ZMAT4: variants seen among roughly 807,000 people sequenced by gnomAD.
ZMAT4 encodes the protein zinc finger matrin-type 4.
A neutral mutation model predicts 28.7 loss-of-function variants in ZMAT4; 17 were observed. The observed-to-expected ratio is 0.59, with a 90% CI of 0.41 to 0.89. ZMAT4 has a LOEUF of 0.89. ZMAT4 is among the 40% of genes least tolerant of loss of function. The pLI is 0.00. For missense variants in ZMAT4, 240 were observed against 283.8 expected (o/e 0.85, Z 1.11); for synonymous variants, 117 against 109.2 (o/e 1.07, Z -0.44).
At chr8:40,551,945 G>A (rs1046891157) in intron 6 of ZMAT4, among the ~76,000 whole-genome samples, 10 of 152,142 alleles carry the variant, frequency 6.6e-5, no homozygotes, top group East Asian at 3.9e-4. Context: ...TTCCCATACA[G>A]CGTGTGTGAG....
At chr8:40,806,947 T>C (rs1815106759) in intron 2 of ZMAT4, among the ~76,000 whole-genome samples, 1 of 151,820 alleles carries the variant, frequency 6.6e-6, no homozygotes, top group South Asian at 2.1e-4. Flanking sequence ...CGCTCAGAAA[T>C]AGCTGCAAGT....
intron 5 of ZMAT4, among the ~76,000 whole-genome samples, chr8:40,670,436 T>C (rs1469174543): frequency 6.6e-6 from 1 of 152,224 alleles, no homozygotes; most frequent in Non-Finnish European, 1.5e-5. Flanking sequence ...ATGAAATTTG[T>C]AGAAGAAAAC....
At chr8:40,667,369 T>C (rs919862313) in intron 5 of ZMAT4, among the ~76,000 whole-genome samples, 1 of 152,126 alleles carries the variant, frequency 6.6e-6, no homozygotes, top group African/African-American at 2.4e-5. Flanking sequence ...TTAATCAGGA[T>C]GGTCTCAGTC....
intron 3 of ZMAT4, among the ~76,000 whole-genome samples, chr8:40,756,457 T>TATACAC (rs1278110013): frequency 1.4e-4 from 16 of 113,300 alleles, no homozygotes; most frequent in Middle Eastern, 9.7e-3. Context: ...TATATATATA[T>TATACAC]ACACACTTGT....
At chr8:40,843,190 T>G (rs1285974100) in intron 1 of ZMAT4, among the ~76,000 whole-genome samples, 1 of 152,232 alleles carries the variant, frequency 6.6e-6, no homozygotes, top group Non-Finnish European at 1.5e-5. Context: ...CCATCTCTTC[T>G]AAATGGAGCA....
intron 5 of ZMAT4, among the ~76,000 whole-genome samples, chr8:40,601,461 G>A (rs373017183): frequency 0.34 from 17,758 of 52,768 alleles, 3,631 homozygotes; most frequent in East Asian, 0.49. Context: ...AGGAAGGGAG[G>A]AAGAAAGGAA....
intron 5 of ZMAT4, among the ~76,000 whole-genome samples, chr8:40,612,960 C>T (rs1215040495): frequency 1.3e-5 from 2 of 151,586 alleles, no homozygotes; most frequent in South Asian, 2.1e-4. Context: ...TTACAGGTGC[C>T]CGCCACCAGG....
At chr8:40,798,682 G>C (rs1347195819) in intron 2 of ZMAT4, among the ~76,000 whole-genome samples, 1 of 152,202 alleles carries the variant, frequency 6.6e-6, no homozygotes, top group East Asian at 1.9e-4. Flanking sequence ...ATTCTTACCT[G>C]CTTTCCCAGA....
intron 3 of ZMAT4, among the ~76,000 whole-genome samples, chr8:40,724,938 T>C (rs932334289): frequency 1.3e-5 from 2 of 152,202 alleles, no homozygotes; most frequent in African/African-American, 4.8e-5. Context: ...CAGAATATTT[T>C]TACTAACTGA....
rs182089635 is a variant in ZMAT4, at chr8:40,578,051, C to T, written c.674+3114G>A. Among the ~76,000 whole-genome samples the T allele has an allele frequency of 4.4e-3, 668 of 151,760 alleles. 6 individuals are homozygous for T. Among genetic ancestry groups the T allele is most frequent in the African/African-American group, 0.015 (633 of 41,424 alleles). On this transcript the variant is annotated intron_variant, in intron 6 of 6. Transcript: ENST00000297737. The stretch of plus-strand genomic sequence containing the variant: ...GCTGATTTTAAAAATTATAGGGAAA[C>T]GCAAAGAGGAAAGAACAGTGAAGAC...
At chr8:40,895,426 G>A (rs973389373) in intron 1 of ZMAT4, among the ~76,000 whole-genome samples, 1 of 152,190 alleles carries the variant, frequency 6.6e-6, no homozygotes, top group South Asian at 2.1e-4. Context: ...CCCATCCAAG[G>A]TGAAGCTGTA....
intron 3 of ZMAT4, among the ~76,000 whole-genome samples, chr8:40,734,337 G>T (rs1811669204): frequency 6.6e-6 from 1 of 152,206 alleles, no homozygotes; most frequent in Non-Finnish European, 1.5e-5. Flanking sequence ...GGAGTTACAA[G>T]CCCCAGTTTT....
At chr8:40,660,909 A>G (rs1408796914) in intron 5 of ZMAT4, among the ~76,000 whole-genome samples, 2 of 152,172 alleles carry the variant, frequency 1.3e-5, no homozygotes, top group Admixed American at 6.5e-5. Context: ...ACAGTATTTT[A>G]TTTGCCTCGG....
intron 5 of ZMAT4, among the ~76,000 whole-genome samples, chr8:40,652,834 C>G (rs1807737585): frequency 9.0e-6 from 1 of 111,040 alleles, no homozygotes; most frequent in Admixed American, 9.2e-5. Context: ...ATCACAAGAA[C>G]AAAAAACCAA....
intron 3 of ZMAT4, among the ~76,000 whole-genome samples, chr8:40,751,748 GTGT>G (rs1812461656): frequency 6.6e-6 from 1 of 152,076 alleles, no homozygotes; most frequent in African/African-American, 2.4e-5. Context: ...ACTTCGATAG[GTGT>G]ATAATGAAAA....
chr8:40,809,166 G>A (rs1338499143), intron 2 of ZMAT4, among the ~76,000 whole-genome samples: 1 of 152,220 alleles, frequency 6.6e-6, no homozygotes, highest in Non-Finnish European at 1.5e-5. Flanking sequence ...CATGAATGTT[G>A]CTGAAGGCCA....
intron 5 of ZMAT4, among the ~76,000 whole-genome samples, chr8:40,650,695 G>A (rs1160345995): frequency 2.4e-5 from 3 of 124,252 alleles, no homozygotes; most frequent in African/African-American, 2.9e-5. Flanking sequence ...CTGGCAAAAC[G>A]AATCCAGCAG....
chr8:40,712,236 T>C (rs1365685339), intron 3 of ZMAT4, among the ~76,000 whole-genome samples: 1 of 152,198 alleles, frequency 6.6e-6, no homozygotes, highest in Admixed American at 6.5e-5. Context: ...AATGAGTTTG[T>C]ATGTGGAAAG....
At position 40,741,945 on chromosome 8, in the gene ZMAT4, A is replaced by G. The variant is rs542963884; in HGVS notation, c.192+25696T>C. On this transcript the variant is annotated intron_variant, in intron 3 of 6. Coordinates refer to ENST00000297737, the MANE Select transcript of ZMAT4 (RefSeq NM_024645.3). ...ATCTGACTAAACTATTTTAGTATAT[A>G]AAAAGTAGAATACCCAGGTATGATG... is the stretch of plus-strand genomic sequence containing the variant. Among the ~76,000 whole-genome samples, 252 of 152,354 alleles carry G rather than the reference A, an allele frequency of 1.7e-3. 2 individuals are homozygous for G. Among genetic ancestry groups the G allele is most frequent in the African/African-American group, 5.8e-3 (243 of 41,592 alleles).
Sources: allele counts gnomAD v4.1 joint callset (sites outside exome capture counted in the v4.1 genomes callset), GRCh38; gene constraint gnomAD v4.1.1; transcripts MANE v1.5; gene names NCBI Gene and HGNC (gene_info 2026-07-23, HGNC 2026-07-21).